The following TARM1 variants were observed in gnomAD, a reference collection of about 807,000 sequenced individuals.
TARM1 encodes the protein T-cell-interacting, activating receptor on myeloid cells protein 1.
TARM1 carries 24 observed loss-of-function variants against 30.4 expected under a neutral mutation model. The ratio of observed to expected loss-of-function variants is 0.79; its 90% CI spans 0.57 to 1.11. The LOEUF (loss-of-function observed/expected upper bound fraction) is 1.11. TARM1 is among the 50% of genes least tolerant of loss of function. TARM1 has a pLI of 0.00. For missense variants in TARM1, 323 were observed against 332.8 expected (o/e 0.97, Z 0.23); for synonymous variants, 129 against 138.9 (o/e 0.93, Z 0.50).
At chr19:54,081,266 T>C in intron 1 of TARM1, 41 bp downstream of exon 1, 1 of 1,544,216 alleles carries the variant, frequency 6.5e-7, no homozygotes. Context: ...ACCAGTTCCA[T>C]GATTTTCTGC....
chr19:54,070,138 G>T lies in TARM1; in HGVS notation c.681C>A (p.Ser227Arg), dbSNP rs1225008089. Residue 227 changes from serine to arginine, a missense_variant, in exon 5 of 5, where the codon AGC (serine) becomes AGA (arginine). Transcript: ENST00000432826. ...LVTVPPGTTS[S>R]NYSLGNFVRL... ...GTACGAAGTTACCCAGGGAGTAGTT[G>T]CTCGATGTGGTACCTGGGGGAACTG... 2 of 1,551,548 alleles carry T rather than the reference G, an allele frequency of 1.3e-6. No individual in the cohort carries two copies. The highest frequency in any genetic ancestry group is 3.9e-5 in the Admixed American group (2 of 50,962).
At chr19:54,079,531 G>C (rs2072043944) in intron 1 of TARM1, among the ~76,000 whole-genome samples, 1 of 152,000 alleles carries the variant, frequency 6.6e-6, no homozygotes, top group South Asian at 2.1e-4. Context: ...ATGGAGGTGG[G>C]TATTCTGCTG....
At chr19:54,075,959 A>G in intron 1 of TARM1, 41 bp from the exon 2 acceptor site, 2 of 1,549,600 alleles carry the variant, frequency 1.3e-6, no homozygotes, top group Non-Finnish European at 1.7e-6. Context: ...CCCTACCTGG[A>G]GCCACGTCAC....
chr19:54,076,019 G>T (rs1159845675), intron 1 of TARM1, 101 bp from the exon 2 acceptor site: 4 of 1,486,908 alleles, frequency 2.7e-6, no homozygotes, highest in Non-Finnish European at 3.6e-6. Context: ...GCTGAGAACA[G>T]ACCCTTAGAG....
At chr19:54,076,125 C>A in intron 1 of TARM1, 1 of 1,475,572 alleles carries the variant, frequency 6.8e-7, no homozygotes. Flanking sequence ...TCTCCTTGAC[C>A]ATCCTGTGTG....
Position 54,069,944 on chromosome 19 carries a change from T to C in TARM1, c.*59A>G. The C allele has an allele frequency of 7.4e-7, 1 of 1,360,274 alleles. No homozygotes were observed. The highest frequency in any genetic ancestry group is 1.0e-6 in the Non-Finnish European group (1 of 985,198). 84.3% of individuals were successfully genotyped at this position (1,360,274 alleles called of 1,614,324 possible). A position where few individuals can be genotyped will look rare whatever the true frequency, so the allele number is the denominator to read the frequency against. ...TGTGACTTAGAAAGCCTCAACCCCC[T>C]GGGAATGCAGTCCAGCAGGTTGCAG... is the stretch of plus-strand genomic sequence containing the variant. On this transcript the variant is annotated 3_prime_UTR_variant, in exon 5 of 5. Transcript: ENST00000432826.
chr19:54,080,482 G>GAT (rs2072097115), intron 1 of TARM1, among the ~76,000 whole-genome samples: 1 of 109,680 alleles, frequency 9.1e-6, no homozygotes, highest in Non-Finnish European at 1.8e-5. Context: ...GAAAGAGAGA[G>GAT]AGAGGAAGGA....
Position 54,075,902 on chromosome 19 carries a change from T to C in TARM1, c.51A>G (p.Gln17=). 3 of 1,551,380 alleles carry C rather than the reference T, an allele frequency of 1.9e-6. No homozygotes were observed. The highest frequency in any genetic ancestry group is 2.7e-5 in the African/African-American group (2 of 73,160). Residue 17 remains glutamine (Q), a synonymous_variant, in exon 2 of 5, where the codon CAA becomes CAG. Coordinates refer to ENST00000432826, the MANE Select transcript of TARM1 (RefSeq NM_001135686.3). ...SLLCFRLCVG[Q]GDTRGDGSLP... ...ACTCACCATCTCCCCTTGTGTCTCC[T>C]TGGCCCACGCACAGTCCTGCAAGAC...
chr19:54,076,334 C>T (rs2071953594), intron 1 of TARM1: 1 of 805,892 alleles, frequency 1.2e-6, no homozygotes, highest in Non-Finnish European at 1.8e-6. Flanking sequence ...CTTTTTCTTT[C>T]TTTCTTTCTT....
chr19:54,073,794 G>A, intron 4 of TARM1, 126 bp downstream of exon 4: 18 of 1,271,472 alleles, frequency 1.4e-5, no homozygotes, highest in Non-Finnish European at 1.6e-5. Flanking sequence ...CGCCAGGCCA[G>A]AAAGGGAAGA....
intron 4 of TARM1, 42 bp from the exon 5 acceptor site, chr19:54,070,202 TC>T: frequency 6.5e-7 from 1 of 1,527,424 alleles, no homozygotes; most frequent in Non-Finnish European, 8.8e-7. Flanking sequence ...TCAGAGGGTA[TC>T]CCTCCTTCTC....
intron 4 of TARM1, among the ~76,000 whole-genome samples, chr19:54,073,555 A>G (rs991778700): frequency 4.6e-5 from 7 of 151,428 alleles, no homozygotes; most frequent in African/African-American, 1.5e-4. Context: ...GTGCAGTGGC[A>G]AGATCTTGGC....
chr19:54,075,336 C>T (rs587629806), intron 2 of TARM1, among the ~76,000 whole-genome samples: 8 of 151,902 alleles, frequency 5.3e-5, no homozygotes, highest in African/African-American at 1.9e-4. Context: ...TACAGGCACG[C>T]ACCACCACAC....
intron 4 of TARM1, 150 bp downstream of exon 4, chr19:54,073,770 G>A (rs2071871320): frequency 9.8e-7 from 1 of 1,025,024 alleles, no homozygotes; most frequent in South Asian, 1.6e-5. Flanking sequence ...TGGGATGACA[G>A]GCATGAGCCA....
In TARM1 at chr19:54,074,950, C is replaced by T. The variant is rs587693682; in HGVS notation, c.235G>A (p.Ala79Thr). ...AGATTATTGAGGTGAAATTCGGCCG[C>T]GCCCTCTGTAGAATCAAGGGGCTTC... ...SPKPLDSTEG[A>T]AEFHLNNLKV... Residue 79 changes from alanine (A) to threonine (T), a missense_variant, in exon 3 of 5, where the codon GCG (alanine) becomes ACG (threonine). Coordinates refer to ENST00000432826, the MANE Select transcript of TARM1 (RefSeq NM_001135686.3). The T allele has an allele frequency of 3.2e-5, 50 of 1,551,604 alleles. No individual in the cohort carries two copies. Among genetic ancestry groups the T allele is most frequent in the South Asian group, 2.5e-4 (21 of 84,056 alleles).
rs2072070241 is a variant in TARM1 at position 54,080,121 on chromosome 19, AAGGAAGG to A, written c.34+1179_34+1185del. On this transcript the variant is annotated intron_variant, in intron 1 of 4. Coordinates refer to ENST00000432826, the MANE Select transcript of TARM1 (RefSeq NM_001135686.3). Reference sequence around the variant, plus strand: ...GAAGGAAGGAAGGAAGGAAGGAAGGAAGGAAGGAAGGAAGGAAGAAAGCAAGCAAGCA... The same window carrying A: ...GAAGGAAGGAAGGAAGGAAGGAAGGAAAGGAAGGAAGAAAGCAAGCAAGCA... Among the ~76,000 whole-genome samples, 189 of 42,332 alleles carry A rather than the reference AAGGAAGG, an allele frequency of 4.5e-3. 11 individuals carry two copies. Among genetic ancestry groups the A allele is most frequent in the African/African-American group, 0.013 (164 of 12,466 alleles). The allele number at this position is 42,332 out of a possible 152,430, so 27.8% of individuals were successfully genotyped here.
At chr19:54,073,625 C>T (rs1419998787) in intron 4 of TARM1, among the ~76,000 whole-genome samples, 3 of 151,710 alleles carry the variant, frequency 2.0e-5, no homozygotes, top group Non-Finnish European at 4.4e-5. Context: ...TCCCAAGTAG[C>T]TGGGTCTACA....
chr19:54,073,566 T>A (rs1306776508), intron 4 of TARM1, among the ~76,000 whole-genome samples: 1 of 150,750 alleles, frequency 6.6e-6, no homozygotes, highest in Admixed American at 6.6e-5. Context: ...AGATCTTGGC[T>A]CACTGCAACC....
At chr19:54,080,488 AAGGAAGG>A (rs2072098305) in intron 1 of TARM1, among the ~76,000 whole-genome samples, 4,119 of 75,424 alleles carry the variant, frequency 0.055, 97 homozygotes, top group South Asian at 0.09. Context: ...GAGAGAGAGG[AAGGAAGG>A]GAGGAAGGAA....
Sources: allele counts gnomAD v4.1 joint callset (sites outside exome capture counted in the v4.1 genomes callset), GRCh38; gene constraint gnomAD v4.1.1; transcripts MANE v1.5; gene names NCBI Gene and HGNC (gene_info 2026-07-23, HGNC 2026-07-21).